RRH: variants seen among roughly 807,000 people sequenced by gnomAD.
RRH encodes retinal pigment epithelium-derived rhodopsin homolog, also known as visual pigment-like receptor peropsin.
A neutral mutation model predicts 33.1 loss-of-function variants in RRH; 36 were observed. The observed-to-expected ratio is 1.09, with a 90% CI of 0.83 to 1.44. The LOEUF is 1.44. Among genes scored for constraint, RRH ranks in the 40% most tolerant of loss-of-function variants. RRH has a pLI of 0.00. For missense variants in RRH, 393 were observed against 420.2 expected (o/e 0.94, Z 0.57); for synonymous variants, 124 against 140.2 (o/e 0.88, Z 0.82).
Position 109,842,488 on chromosome 4 carries a change from G to C in RRH, c.740G>C (p.Cys247Ser). 6.2e-7 allele frequency: 1 copy of C among 1,614,002 alleles called. No individual in the cohort carries two copies. ...DVTKMSVIMI[C>S]MFLVAWSPYS... Reference sequence around the variant, plus strand: ...TTTCAGATGTCTGTGATCATGATCTGCATGTTTCTGGTGGCATGGTCCCCT... The same window carrying C: ...TTTCAGATGTCTGTGATCATGATCTCCATGTTTCTGGTGGCATGGTCCCCT... Residue 247 changes from cysteine to serine, a missense_variant, in exon 6 of 7, where the codon TGC becomes TCC. Physicochemically the swap from Cys to Ser is moderately radical, Grantham distance 112. Coordinates refer to ENST00000317735, the MANE Select transcript of RRH (RefSeq NM_006583.5).
Position 109,844,473 on chromosome 4 carries a change from A to G in RRH, c.*276A>G. ...CTTTCTCCCTATTATGGCATGCATT[A>G]CACTGTACTGATGACCTTTAACTTG... On this transcript the variant is annotated 3_prime_UTR_variant, in exon 7 of 7. Transcript: ENST00000317735. 2.9e-6 allele frequency: 1 copy of G among 347,178 alleles called. No individual in the cohort carries two copies. The highest frequency in any genetic ancestry group is 2.6e-5 in the South Asian group (1 of 38,168). The allele number at this position is 347,178 out of a possible 1,614,324, so 21.5% of individuals were successfully genotyped here. A position where few individuals can be genotyped will look rare whatever the true frequency, so the allele number is the denominator to read the frequency against.
intron 4 of RRH, among the ~76,000 whole-genome samples, chr4:109,836,572 C>A (rs1057209807): frequency 6.6e-6 from 1 of 152,182 alleles, no homozygotes; most frequent in East Asian, 1.9e-4. Flanking sequence ...TCTGGTGTTC[C>A]AGCACATTCT....
chr4:109,828,835 A>C (rs994501748), intron 1 of RRH, among the ~76,000 whole-genome samples: 41 of 152,120 alleles, frequency 2.7e-4, no homozygotes, highest in African/African-American at 9.7e-4. Context: ...CATGATTGTT[A>C]TAAGGAGTAA....
intron 1 of RRH, among the ~76,000 whole-genome samples, chr4:109,832,536 G>T (rs1733779993): frequency 6.8e-6 from 1 of 148,072 alleles, no homozygotes; most frequent in East Asian, 2.0e-4. Context: ...GTGTGTGTTG[G>T]AATGAAGAAT....
Position 109,837,427 on chromosome 4 carries a change from T to C in RRH, c.552-10T>C. The C allele has an allele frequency of 6.2e-7, 1 of 1,613,314 alleles. No individual in the cohort carries two copies. Among genetic ancestry groups the C allele is most frequent in the Non-Finnish European group, 8.5e-7 (1 of 1,179,240 alleles). On this transcript the variant is annotated splice_polypyrimidine_tract_variant and intron_variant, in intron 4 of 6. Coordinates refer to ENST00000317735, the MANE Select transcript of RRH (RefSeq NM_006583.5). ...AATGAGCAATCATGATTGCCTTTTC[T>C]TATTTTCAGATCTTTTGTGTCTTAC...
chr4:109,829,237 C>T (rs1423038641), intron 1 of RRH, among the ~76,000 whole-genome samples: 1 of 151,988 alleles, frequency 6.6e-6, no homozygotes, highest in Non-Finnish European at 1.5e-5. Context: ...AAATTGAGTT[C>T]CTCAGTTAAG....
At chr4:109,831,102 T>C (rs1733740859) in intron 1 of RRH, among the ~76,000 whole-genome samples, 2 of 152,188 alleles carry the variant, frequency 1.3e-5, no homozygotes, top group African/African-American at 4.8e-5. Flanking sequence ...TAACCCCCAT[T>C]ATTTCTAAGA....
Position 109,844,158 on chromosome 4 carries a change from G to A in RRH, c.975G>A (p.Met325Ile). 15 of 1,613,428 alleles carry A rather than the reference G, an allele frequency of 9.3e-6. No homozygotes were observed. Among genetic ancestry groups the A allele is most frequent in the Non-Finnish European group, 1.3e-5 (15 of 1,179,420 alleles). Residue 325 changes from methionine (M) to isoleucine (I), a missense_variant, in exon 7 of 7, where the codon ATG becomes ATA. Physicochemically the swap from Met to Ile is conservative, Grantham distance 10. Transcript: ENST00000317735. ...TGCCTGTGACAAGTATTTTACCCAT[G>A]GATGTATCTCAAAACCCATTGGCTT... ...QTMPVTSILP[M>I]DVSQNPLASG...
Position 109,842,606 on chromosome 4 carries a change from T to C in RRH, c.858T>C (p.Ser286=). Reference sequence around the variant, plus strand: ...TAGCTCCACTGTTTGCAAAATCTTCTACATTCTATAACCCCTGCATTTATG... The same window carrying C: ...TAGCTCCACTGTTTGCAAAATCTTCCACATTCTATAACCCCTGCATTTATG... ...AIIAPLFAKS[S]TFYNPCIYVV... is the part of the protein sequence containing the mutation. The change falls in exon 6 of 7, where the codon TCT becomes TCC. Residue 286 remains serine, a synonymous_variant. Coordinates refer to ENST00000317735, the MANE Select transcript of RRH (RefSeq NM_006583.5). The C allele has an allele frequency of 6.2e-7, 1 of 1,614,104 alleles. No individual in the cohort carries two copies. The highest frequency in any genetic ancestry group is 8.5e-7 in the Non-Finnish European group (1 of 1,179,950).
At position 109,828,106 on chromosome 4, in the gene RRH, A is replaced by G. The variant is rs754766754; in HGVS notation, c.79A>G (p.Ile27Val). ...GSVFSQTEHN[I>V]VATYLIMAGM... ...GGTCTTTTCACAGACTGAACACAAT[A>G]TTGTTGCAACTTACTTGATTATGGC... Residue 27 changes from isoleucine to valine, a missense_variant, in exon 1 of 7, where the codon ATT becomes GTT. By Grantham distance (29) the Ile-to-Val change is conservative. Transcript: ENST00000317735. The G allele has an allele frequency of 4.3e-6, 7 of 1,611,420 alleles. No individual in the cohort carries two copies. In the African/African-American group the frequency reaches 6.7e-5, roughly 15 times the overall value.
At position 109,828,010 on chromosome 4, in the gene RRH, C is replaced by T. The variant is rs200275024; in HGVS notation, c.-18C>T. 8.5e-5 allele frequency: 125 copies of T among 1,478,604 alleles called. No homozygotes were observed. The East Asian group carries it at 1.6e-3, about 19-fold the overall frequency. 91.6% of individuals were successfully genotyped at this position (1,478,604 alleles called of 1,614,324 possible). Reference sequence around the variant, plus strand: ...CGAAGGCTTATTATGAAGGGTGTTTCGGTATCTTCCCTCCAAAATGCTAAG... The same window carrying T: ...CGAAGGCTTATTATGAAGGGTGTTTTGGTATCTTCCCTCCAAAATGCTAAG... On this transcript the variant is annotated 5_prime_UTR_variant, in exon 1 of 7. Transcript: ENST00000317735.
Position 109,828,118 on chromosome 4 carries a change from T to C in RRH, c.91T>C (p.Tyr31His), listed in dbSNP as rs748052031. 3 of 1,607,614 alleles carry C rather than the reference T, an allele frequency of 1.9e-6. No homozygotes were observed. The highest frequency in any genetic ancestry group is 2.7e-5 in the African/African-American group (2 of 74,786). Residue 31 changes from tyrosine (Y) to histidine (H), a missense_variant, in exon 1 of 7, where the codon TAC becomes CAC. Transcript: ENST00000317735. ...GACTGAACACAATATTGTTGCAACTTACTTGATTATGGCAGGTATGGATAT... is the reference window on the plus strand; with the variant it reads ...GACTGAACACAATATTGTTGCAACTCACTTGATTATGGCAGGTATGGATAT... Reference protein sequence around the residue: ...SQTEHNIVATYLIMAGMISII... With the variant: ...SQTEHNIVATHLIMAGMISII...
chr4:109,844,268 C>G lies in RRH; in HGVS notation c.*71C>G. On this transcript the variant is annotated 3_prime_UTR_variant, in exon 7 of 7. Transcript: ENST00000317735. ...AATGCTTTTCTTTTAAATATGAGCCCATTTAGATCAAGTGCAGACATGGAT... is the reference window on the plus strand; with the variant it reads ...AATGCTTTTCTTTTAAATATGAGCCGATTTAGATCAAGTGCAGACATGGAT... The G allele has an allele frequency of 1.1e-6, 1 of 936,968 alleles. No individual in the cohort carries two copies. Among genetic ancestry groups the G allele is most frequent in the South Asian group, 1.3e-5 (1 of 76,768 alleles). 58.0% of individuals were successfully genotyped at this position (936,968 alleles called of 1,614,324 possible). A position where few individuals can be genotyped will look rare whatever the true frequency, so the allele number is the denominator to read the frequency against.
rs1733800571 is a variant in RRH, at chr4:109,833,295, A to G, written c.263A>G (p.Tyr88Cys). The G allele has an allele frequency of 7.4e-6, 12 of 1,614,092 alleles. No homozygotes were observed. The highest frequency in any genetic ancestry group is 1.1e-5 in the South Asian group (1 of 91,074). The change falls in exon 2 of 7, where the codon TAT becomes TGT. Residue 88 changes from tyrosine (Y) to cysteine (C), a missense_variant. Transcript: ENST00000317735. The part of the protein sequence containing the change: ...GYPMSAASDL[Y>C]GSWKFGYAGC... Reference sequence around the variant, plus strand: ...CCCATGTCTGCTGCCTCAGATCTGTATGGAAGTTGGAAATTTGGATACGCA... The same window carrying G: ...CCCATGTCTGCTGCCTCAGATCTGTGTGGAAGTTGGAAATTTGGATACGCA...
At chr4:109,837,644 GC>G (rs1388658973) in intron 5 of RRH, 39 bp downstream of exon 5, 1 of 1,543,790 alleles carries the variant, frequency 6.5e-7, no homozygotes, top group Non-Finnish European at 8.9e-7. Flanking sequence ...TTGTCATGGA[GC>G]TTTTACCCAC....
chr4:109,841,854 A>G (rs572974257), intron 5 of RRH, among the ~76,000 whole-genome samples: 10 of 152,158 alleles, frequency 6.6e-5, no homozygotes, highest in African/African-American at 1.4e-4. Flanking sequence ...GGGAAGCAAT[A>G]TAAAAATATA....
chr4:109,836,891 C>CAAAAAAAAA (rs56989659), intron 4 of RRH, among the ~76,000 whole-genome samples: 4 of 84,396 alleles, frequency 4.7e-5, no homozygotes, highest in African/African-American at 2.4e-4. Flanking sequence ...CCTGTCTCTA[C>CAAAAAAAAA]AAAAAAAAAA....
chr4:109,838,266 A>T (rs781239907), intron 5 of RRH, among the ~76,000 whole-genome samples: 42 of 152,206 alleles, frequency 2.8e-4, no homozygotes, highest in Non-Finnish European at 2.5e-4. Flanking sequence ...ATTTGGTTAG[A>T]TAAAGAGGCT....
intron 1 of RRH, among the ~76,000 whole-genome samples, chr4:109,830,302 CAG>C (rs1733722925): frequency 6.6e-6 from 1 of 152,110 alleles, no homozygotes; most frequent in Admixed American, 6.5e-5. Flanking sequence ...TTAAAGGTGA[CAG>C]GGAGTCACTG....
Sources: gnomAD v4.1 joint callset for allele counts (sites outside exome capture counted in the v4.1 genomes callset) on GRCh38, gnomAD v4.1.1 for gene constraint, MANE v1.5 for transcripts, NCBI Gene and HGNC (gene_info 2026-07-23, HGNC 2026-07-21) for gene names.